The following CMTM8 variants were observed in gnomAD, a reference collection of about 807,000 sequenced individuals.
CMTM8 encodes the protein CKLF-like MARVEL transmembrane domain-containing protein 8.
A neutral mutation model predicts 18.6 loss-of-function variants in CMTM8; 12 were observed. That is an observed-to-expected ratio of 0.65 (90% CI 0.41 to 1.05). The LOEUF is 1.05. CMTM8 is among the 50% of genes least tolerant of loss of function. CMTM8 has a pLI of 0.00. For synonymous variants in CMTM8, 87 were observed against 90.6 expected (o/e 0.96, Z 0.23); for missense variants, 217 against 227.2 (o/e 0.95, Z 0.29).
At chr3:32,243,367 CT>C (rs1701969582) in intron 1 of CMTM8, among the ~76,000 whole-genome samples, 1 of 151,804 alleles carries the variant, frequency 6.6e-6, no homozygotes, top group Admixed American at 6.6e-5. Flanking sequence ...CCCATCTCTA[CT>C]GAAAATACAA....
At chr3:32,242,141 G>A (rs193242053) in intron 1 of CMTM8, among the ~76,000 whole-genome samples, 28 of 152,268 alleles carry the variant, frequency 1.8e-4, no homozygotes, top group African/African-American at 6.3e-4. Flanking sequence ...TCCCACTGGG[G>A]GGACACACAG....
At chr3:32,315,353 C>T (rs780985669) in intron 1 of CMTM8, among the ~76,000 whole-genome samples, 120 of 152,220 alleles carry the variant, frequency 7.9e-4, no homozygotes, top group Non-Finnish European at 1.5e-3. Context: ...TGGTCTCGAA[C>T]TCCTCACCTC....
At chr3:32,317,694 A>G (rs76169954) in intron 1 of CMTM8, among the ~76,000 whole-genome samples, 4 of 152,312 alleles carry the variant, frequency 2.6e-5, no homozygotes, top group African/African-American at 9.6e-5. Context: ...ACAACCAAAA[A>G]TGTCCACCAA....
At chr3:32,291,046 C>A (rs1394843378) in intron 1 of CMTM8, among the ~76,000 whole-genome samples, 1 of 151,826 alleles carries the variant, frequency 6.6e-6, no homozygotes, top group Non-Finnish European at 1.5e-5. Context: ...CTGTGCCTGG[C>A]CAATTTTATT....
At chr3:32,273,998 C>G (rs1055479850) in intron 1 of CMTM8, among the ~76,000 whole-genome samples, 2 of 152,030 alleles carry the variant, frequency 1.3e-5, no homozygotes, top group Non-Finnish European at 2.9e-5. Flanking sequence ...TCTTTTCATG[C>G]CAGCTCAGCA....
intron 1 of CMTM8, among the ~76,000 whole-genome samples, chr3:32,275,131 A>G (rs1702496086): frequency 6.6e-6 from 1 of 151,766 alleles, no homozygotes; most frequent in African/African-American, 2.4e-5. Flanking sequence ...CAGCCTCCCA[A>G]GTAGCTGGGA....
At chr3:32,367,394 C>G (rs1415916933) in intron 2 of CMTM8, among the ~76,000 whole-genome samples, 1 of 152,198 alleles carries the variant, frequency 6.6e-6, no homozygotes, top group East Asian at 1.9e-4. Flanking sequence ...ATTTAAATAT[C>G]CCTCCCTGTT....
In CMTM8 at chr3:32,238,886, C is replaced by T; in HGVS notation, c.-87C>T. 1 of 1,280,496 alleles carries T rather than the reference C, an allele frequency of 7.8e-7. No homozygotes were observed. The highest frequency in any genetic ancestry group is 1.0e-6 in the Non-Finnish European group (1 of 990,578). 79.3% of individuals were successfully genotyped at this position (1,280,496 alleles called of 1,614,324 possible). ...GCGGGCCGCGCTCCCCTCCCCCGCGCCTGTGTCCCCAGGGCGCAGGGCCGC... is the reference window on the plus strand; with the variant it reads ...GCGGGCCGCGCTCCCCTCCCCCGCGTCTGTGTCCCCAGGGCGCAGGGCCGC... On this transcript the variant is annotated 5_prime_UTR_variant, in exon 1 of 4. Coordinates refer to ENST00000307526, the MANE Select transcript of CMTM8 (RefSeq NM_178868.5).
intron 1 of CMTM8, among the ~76,000 whole-genome samples, chr3:32,334,146 T>C (rs1052918006): frequency 8.6e-5 from 13 of 151,678 alleles, no homozygotes; most frequent in African/African-American, 3.1e-4. Context: ...GCCCAGCTAA[T>C]TTTGTATTTT....
chr3:32,361,286 G>GTTTTTTTTTTGTTTTTTTTT (rs58364646), intron 2 of CMTM8, among the ~76,000 whole-genome samples: 1,074 of 86,858 alleles, frequency 0.012, 29 homozygotes, highest in South Asian at 0.024. Context: ...CAGCCTAAGA[G>GTTTTTTTTTTGTTTTTTTTT]TTTTTTTTTC....
chr3:32,359,714 A>G (rs1250059505), intron 2 of CMTM8, among the ~76,000 whole-genome samples: 1 of 152,178 alleles, frequency 6.6e-6, no homozygotes, highest in African/African-American at 2.4e-5. Context: ...TCACTGATTT[A>G]TTACATTAAA....
At chr3:32,335,652 G>A (rs761690238) in intron 1 of CMTM8, among the ~76,000 whole-genome samples, 4 of 152,132 alleles carry the variant, frequency 2.6e-5, no homozygotes, top group Non-Finnish European at 5.9e-5. Flanking sequence ...CAGATGTGTC[G>A]AAGGTCACCT....
chr3:32,265,366 C>G (rs1027084186), intron 1 of CMTM8, among the ~76,000 whole-genome samples: 2 of 152,086 alleles, frequency 1.3e-5, no homozygotes, highest in East Asian at 1.9e-4. Flanking sequence ...GGGTACATAA[C>G]GGAATGAAGG....
At chr3:32,308,205 C>T (rs1695752746) in intron 1 of CMTM8, among the ~76,000 whole-genome samples, 1 of 152,196 alleles carries the variant, frequency 6.6e-6, no homozygotes, top group Non-Finnish European at 1.5e-5. Context: ...GAGGCGGAGA[C>T]ATTCAGACTA....
intron 1 of CMTM8, among the ~76,000 whole-genome samples, chr3:32,317,090 A>G (rs1260449543): frequency 6.6e-6 from 1 of 152,148 alleles, no homozygotes; most frequent in Non-Finnish European, 1.5e-5. Flanking sequence ...TGCATCTGAA[A>G]TCTGCTTGTC....
At chr3:32,246,153 T>C (rs1405428136) in intron 1 of CMTM8, among the ~76,000 whole-genome samples, 1 of 152,218 alleles carries the variant, frequency 6.6e-6, no homozygotes, top group Non-Finnish European at 1.5e-5. Context: ...CTACTCTTTT[T>C]GTTTCCTGCT....
chr3:32,292,198 T>C (rs1016154919), intron 1 of CMTM8, among the ~76,000 whole-genome samples: 1 of 152,164 alleles, frequency 6.6e-6, no homozygotes, highest in Non-Finnish European at 1.5e-5. Flanking sequence ...AATGTCTGCC[T>C]CCCACATTCA....
chr3:32,356,851 T>A (rs1341284339), intron 1 of CMTM8, among the ~76,000 whole-genome samples: 2 of 152,170 alleles, frequency 1.3e-5, no homozygotes, highest in Non-Finnish European at 2.9e-5. Flanking sequence ...AAATCAAGAT[T>A]ATTATGTACA....
intron 1 of CMTM8, among the ~76,000 whole-genome samples, chr3:32,308,753 A>G (rs1695763629): frequency 6.6e-6 from 1 of 152,240 alleles, no homozygotes; most frequent in Non-Finnish European, 1.5e-5. Context: ...ATATGAGTTA[A>G]TAGACACAAT....
Sources: gnomAD v4.1 joint callset for allele counts (sites outside exome capture counted in the v4.1 genomes callset) on GRCh38, gnomAD v4.1.1 for gene constraint, MANE v1.5 for transcripts, NCBI Gene and HGNC (gene_info 2026-07-23, HGNC 2026-07-21) for gene names.